ZSCAN25: variants seen among roughly 807,000 people sequenced by gnomAD.
ZSCAN25 encodes zinc finger and SCAN domain containing 25.
Under a neutral mutation model 38.7 loss-of-function variants are expected in ZSCAN25, and 27 were observed. That is an observed-to-expected ratio of 0.70 (90% CI 0.51 to 0.96). The LOEUF (loss-of-function observed/expected upper bound fraction) is 0.96, where lower values mean the gene tolerates loss of function less well. Ranked by LOEUF, ZSCAN25 falls within the 40% of genes least tolerant of loss-of-function variation. The probability of loss-of-function intolerance (pLI) is 0.00; values close to 1 mark genes in which losing one functional copy is unlikely to be tolerated. For missense variants in ZSCAN25, 637 were observed against 705.9 expected (o/e 0.90, Z 1.11); for synonymous variants, 273 against 277.7 (o/e 0.98, Z 0.17).
At chr7:99,680,905 C>T in the ZSCAN25 span, among the ~76,000 whole-genome samples, 1 of 152,152 alleles carries the variant, frequency 6.6e-6, no homozygotes, top group African/African-American at 2.4e-5. Context: ...CCAGTTTGTG[C>T]CTCTCATCTA....
chr7:99,719,995 C>T, the ZSCAN25 span, among the ~76,000 whole-genome samples: 18 of 150,778 alleles, frequency 1.2e-4, no homozygotes, highest in Admixed American at 9.9e-4. Context: ...TGACTCAGTC[C>T]GAAAAACAAA....
the ZSCAN25 span, among the ~76,000 whole-genome samples, chr7:99,650,947 A>G: frequency 6.6e-6 from 1 of 152,240 alleles, no homozygotes; most frequent in Non-Finnish European, 1.5e-5. Context: ...TGTTTTATTC[A>G]AATTTGATTT....
chr7:99,730,936 A>T, the ZSCAN25 span: 1 of 1,315,806 alleles, frequency 7.6e-7, no homozygotes, highest in Non-Finnish European at 1.1e-6. Flanking sequence ...GGTGATGCCT[A>T]CACGCTATTT....
chr7:99,623,664 T>A (rs1397354003), intron 6 of ZSCAN25, among the ~76,000 whole-genome samples: 1 of 152,256 alleles, frequency 6.6e-6, no homozygotes, highest in Non-Finnish European at 1.5e-5. Flanking sequence ...TTTAATTTGG[T>A]TGGATCCTCC....
the ZSCAN25 span, among the ~76,000 whole-genome samples, chr7:99,655,646 C>T: frequency 2.0e-5 from 3 of 152,174 alleles, no homozygotes; most frequent in African/African-American, 4.8e-5. Context: ...GGCGATGGCA[C>T]TGAATCTATA....
At position 99,632,319 on chromosome 7, in the gene ZSCAN25, A is replaced by T. The variant is rs1808066263; in HGVS notation, c.*2299A>T. ...TTCTGTATTTTTCTATTCTTTAGAA[A>T]TTTTTTTATAATAGATAATTTCAAA... On this transcript the variant is annotated 3_prime_UTR_variant, in exon 8 of 8. Transcript: ENST00000394152. 3 of 880,914 alleles carry T rather than the reference A, an allele frequency of 3.4e-6. No individual in the cohort carries two copies. The highest frequency in any genetic ancestry group is 1.8e-5 in the African/African-American group (1 of 54,504). 54.6% of individuals were successfully genotyped at this position (880,914 alleles called of 1,614,324 possible). A position where few individuals can be genotyped will look rare whatever the true frequency, so the allele number is the denominator to read the frequency against.
At position 99,632,355 on chromosome 7, in the gene ZSCAN25, TAAATC is replaced by T; in HGVS notation, c.*2336_*2340del. ...ATAGATAATTTCAAACCTATATAAA[TAAATC>T]CTTATGTATTTATCATTTGACTTTA... On this transcript the variant is annotated 3_prime_UTR_variant, in exon 8 of 8. Coordinates refer to ENST00000394152, the MANE Select transcript of ZSCAN25 (RefSeq NM_145115.3). 1 of 630,616 alleles carries T rather than the reference TAAATC, an allele frequency of 1.6e-6. No homozygotes were observed. The highest frequency in any genetic ancestry group is 2.0e-6 in the Non-Finnish European group (1 of 506,216). The allele number at this position is 630,616 out of a possible 1,614,324, so 39.1% of individuals were successfully genotyped here. A position where few individuals can be genotyped will look rare whatever the true frequency, so the allele number is the denominator to read the frequency against.
At chr7:99,700,299 G>A in the ZSCAN25 span, among the ~76,000 whole-genome samples, 2 of 152,244 alleles carry the variant, frequency 1.3e-5, no homozygotes, top group East Asian at 3.9e-4. Context: ...GGGAGTCCAC[G>A]GAACCTGAGT....
chr7:99,639,121 T>C, the ZSCAN25 span, among the ~76,000 whole-genome samples: 1 of 152,224 alleles, frequency 6.6e-6, no homozygotes. Flanking sequence ...CAATCAAAGA[T>C]GTTTCTGGAG....
At chr7:99,676,009 A>C in the ZSCAN25 span, 2 of 943,688 alleles carry the variant, frequency 2.1e-6, no homozygotes, top group Non-Finnish European at 3.3e-6. Flanking sequence ...CATTTCTGAA[A>C]ATGTGAAACC....
At chr7:99,701,973 A>G in the ZSCAN25 span, among the ~76,000 whole-genome samples, 2 of 151,952 alleles carry the variant, frequency 1.3e-5, no homozygotes. Flanking sequence ...CCATTTTTGC[A>G]TTGGTTGCCT....
intron 5 of ZSCAN25, 160 bp from the exon 6 acceptor site, chr7:99,622,389 T>G (rs928429177): frequency 3.2e-5 from 23 of 719,008 alleles, no homozygotes; most frequent in Non-Finnish European, 4.7e-5. Context: ...CCCAGGCCCC[T>G]GTGCATGGGA....
rs1330163151 is a variant in ZSCAN25, at chr7:99,629,732, C to T, written c.1347C>T (p.His449=). The T allele has an allele frequency of 6.2e-7, 1 of 1,614,126 alleles. No individual in the cohort carries two copies. The highest frequency in any genetic ancestry group is 8.5e-7 in the Non-Finnish European group (1 of 1,180,032). The change falls in exon 8 of 8, where the codon CAC becomes CAT. Residue 449 remains histidine, a synonymous_variant. Coordinates refer to ENST00000394152, the MANE Select transcript of ZSCAN25 (RefSeq NM_145115.3). This position sits in a 1 kb window ranked among gnomAD's most constrained non-coding sequence, Gnocchi z 5.6. ...SFSRRQHLQV[H]RRTHTGEKPY... is the part of the protein sequence containing the mutation. ...GCCGCAGGCAGCACCTGCAGGTGCA[C>T]CGGAGGACGCACACCGGGGAGAAGC...
the ZSCAN25 span, chr7:99,715,956 C>A: frequency 1.2e-6 from 2 of 1,612,172 alleles, no homozygotes; most frequent in Non-Finnish European, 1.7e-6. Flanking sequence ...CTTTACCATC[C>A]TTCCTCTATG....
chr7:99,663,444 G>A, the ZSCAN25 span: 2 of 989,664 alleles, frequency 2.0e-6, no homozygotes, highest in African/African-American at 1.7e-5. Flanking sequence ...GCAAAGCTGA[G>A]TTAGCCAGCC....
chr7:99,720,471 A>C, the ZSCAN25 span: 1 of 1,596,568 alleles, frequency 6.3e-7, no homozygotes, highest in East Asian at 2.2e-5. Flanking sequence ...AGCTGGAGCC[A>C]AACCCAGGAA....
At chr7:99,682,598 C>T in the ZSCAN25 span, among the ~76,000 whole-genome samples, 15 of 149,698 alleles carry the variant, frequency 1.0e-4, no homozygotes, top group African/African-American at 2.2e-4. Flanking sequence ...AGGTAGCTTT[C>T]GCTATTCTGG....
chr7:99,701,122 G>A, the ZSCAN25 span, among the ~76,000 whole-genome samples: 9 of 152,154 alleles, frequency 5.9e-5, no homozygotes, highest in East Asian at 1.5e-3. Flanking sequence ...CCTGTACTTA[G>A]GGTACAAAAT....
At chr7:99,619,269 G>C (rs1806720106) in intron 3 of ZSCAN25, 137 bp downstream of exon 3, 3 of 226,806 alleles carry the variant, frequency 1.3e-5, no homozygotes, top group Non-Finnish European at 2.6e-5. Context: ...GACTCACCCA[G>C]TTATAACCCA....
Sources: gnomAD v4.1 joint callset for allele counts (sites outside exome capture counted in the v4.1 genomes callset) on GRCh38, gnomAD v4.1.1 for gene constraint, Gnocchi (gnomAD v3.1) non-coding constraint, MANE v1.5 for transcripts, NCBI Gene and HGNC (gene_info 2026-07-23, HGNC 2026-07-21) for gene names.